The following RPS6KA1 variants were observed in gnomAD, a reference collection of about 807,000 sequenced individuals.
RPS6KA1 encodes ribosomal protein S6 kinase A1, also known as ribosomal protein S6 kinase alpha-1.
A neutral mutation model predicts 91.3 loss-of-function variants in RPS6KA1; 48 were observed. The ratio of observed to expected loss-of-function variants is 0.53; its 90% CI spans 0.42 to 0.67. RPS6KA1 has a LOEUF of 0.67. Among genes scored for constraint, RPS6KA1 ranks in the 30% least tolerant of loss-of-function variants. The pLI is 0.00. For synonymous variants in RPS6KA1, 359 were observed against 384.7 expected, an observed-to-expected ratio of 0.93 and a Z score of 0.78; for missense variants, 719 against 960.5, an observed-to-expected ratio of 0.75 and a Z score of 3.32.
At position 26,540,449 on chromosome 1, in the gene RPS6KA1, C is replaced by T. The variant is rs2075938812; in HGVS notation, c.108+3480C>T. ...TCTGCCTGGCCAACATTTGTTCATC[C>T]TCAGGACCCAGCTGGGCTGCCCCTC... On this transcript the variant is annotated intron_variant, in intron 2 of 21. Coordinates refer to ENST00000374168, the MANE Select transcript of RPS6KA1 (RefSeq NM_002953.4). The surrounding 1 kb of genome is among the most constrained non-coding windows in gnomAD (Gnocchi z 4.2). 6.6e-6 allele frequency among the ~76,000 whole-genome samples: 1 copy of T among 152,188 alleles called. No individual in the cohort carries two copies. The highest frequency in any genetic ancestry group is 2.1e-4 in the South Asian group (1 of 4,824).
chr1:26,564,122 CAAATAAA>C (rs1341354181), intron 17 of RPS6KA1, among the ~76,000 whole-genome samples: 6 of 151,804 alleles, frequency 4.0e-5, no homozygotes, highest in African/African-American at 1.5e-4. Context: ...AACCCTGTCT[CAAATAAA>C]AAATAAAAAT....
At chr1:26,567,654 C>T (rs993693239) in intron 17 of RPS6KA1, among the ~76,000 whole-genome samples, 1 of 152,174 alleles carries the variant, frequency 6.6e-6, no homozygotes, top group Non-Finnish European at 1.5e-5. Context: ...GCTGGGATTA[C>T]AGGCATGAGC....
At chr1:26,569,523 C>T (rs181211502) in intron 17 of RPS6KA1, among the ~76,000 whole-genome samples, 1 of 152,310 alleles carries the variant, frequency 6.6e-6, no homozygotes, top group African/African-American at 2.4e-5. Flanking sequence ...ATCTACCTGG[C>T]ACTCTTCTCC....
chr1:26,552,252 G>A (rs2076057566), intron 6 of RPS6KA1, among the ~76,000 whole-genome samples: 1 of 151,790 alleles, frequency 6.6e-6, no homozygotes, highest in Admixed American at 6.6e-5. Flanking sequence ...GCTGGGTATG[G>A]TGGAGTGTGC....
intron 2 of RPS6KA1, chr1:26,543,931 TG>T: frequency 5.2e-6 from 2 of 384,948 alleles, no homozygotes; most frequent in East Asian, 1.5e-4. Flanking sequence ...AGCTACTGTC[TG>T]GGTCCCCCTC....
intron 17 of RPS6KA1, among the ~76,000 whole-genome samples, chr1:26,563,894 G>C (rs1041737130): frequency 1.3e-5 from 2 of 152,080 alleles, no homozygotes. Flanking sequence ...AAGCCAAGAT[G>C]GGCAGATCAC....
intron 21 of RPS6KA1, 31 bp downstream of exon 21, chr1:26,573,392 G>A (rs1448759912): frequency 1.2e-6 from 2 of 1,612,260 alleles, no homozygotes; most frequent in Admixed American, 1.7e-5. Context: ...CTGGGCATCT[G>A]GGGGGTCAGC....
chr1:26,563,195 G>A (rs1467581928), intron 17 of RPS6KA1, among the ~76,000 whole-genome samples: 1 of 151,618 alleles, frequency 6.6e-6, no homozygotes, highest in African/African-American at 2.4e-5. Context: ...TAGAATACCT[G>A]TAAGTTCCAC....
At position 26,529,887 on chromosome 1, in the gene RPS6KA1, G is replaced by A. The variant is rs1175320389; in HGVS notation, c.-34G>A. On this transcript the variant is annotated 5_prime_UTR_variant, in exon 1 of 22. Transcript: ENST00000374168. The surrounding 1 kb of genome is among the most constrained non-coding windows in gnomAD (Gnocchi z 4.2). ...CCCGGGAGGCGGCGCAGCCGGGGCC[G>A]CCGGAGGAGCGCGGGTGACCTGGCG... The A allele has an allele frequency of 7.8e-6, 11 of 1,404,302 alleles. No homozygotes were observed. Among genetic ancestry groups the A allele is most frequent in the Admixed American group, 2.7e-5 (1 of 37,002 alleles). 87.0% of individuals were successfully genotyped at this position (1,404,302 alleles called of 1,614,324 possible).
Position 26,540,986 on chromosome 1 carries a change from C to T in RPS6KA1, c.108+4017C>T, listed in dbSNP as rs2075942431. 6.6e-6 allele frequency among the ~76,000 whole-genome samples: 1 copy of T among 152,038 alleles called. No individual in the cohort carries two copies. Among genetic ancestry groups the T allele is most frequent in the Non-Finnish European group, 1.5e-5 (1 of 68,006 alleles). Reference sequence around the variant, plus strand: ...CATATTTTTAGTAGAGACGGGGTTTCTCCATGTTGGTCAGGCTGGTCTCGA... The same window carrying T: ...CATATTTTTAGTAGAGACGGGGTTTTTCCATGTTGGTCAGGCTGGTCTCGA... On this transcript the variant is annotated intron_variant, in intron 2 of 21. Coordinates refer to ENST00000374168, the MANE Select transcript of RPS6KA1 (RefSeq NM_002953.4). This position sits in a 1 kb window ranked among gnomAD's most constrained non-coding sequence, Gnocchi z 4.2.
intron 6 of RPS6KA1, chr1:26,552,891 C>CATTTT (rs2076065813): frequency 2.9e-5 from 11 of 384,934 alleles, no homozygotes; most frequent in African/African-American, 2.2e-4. Flanking sequence ...CTATTCCCAT[C>CATTTT]TATAGGTAAA....
In RPS6KA1 at chr1:26,543,326, G is replaced by C. The variant is rs1270174728; in HGVS notation, c.109-3541G>C. 7 of 852,712 alleles carry C rather than the reference G, an allele frequency of 8.2e-6. No homozygotes were observed. The East Asian group carries it at 1.9e-4, about 23-fold the overall frequency. 52.8% of individuals were successfully genotyped at this position (852,712 alleles called of 1,614,324 possible). ...CCTTGGGATTTCTGGGTGGTTTCCT[G>C]TCTCTGTCCCCAGGGAGTGCTCTCA... On this transcript the variant is annotated intron_variant, in intron 2 of 21. Coordinates refer to ENST00000374168, the MANE Select transcript of RPS6KA1 (RefSeq NM_002953.4).
intron 1 of RPS6KA1, among the ~76,000 whole-genome samples, chr1:26,535,140 C>A (rs999656370): frequency 2.0e-5 from 3 of 152,058 alleles, no homozygotes; most frequent in Non-Finnish European, 4.4e-5. Flanking sequence ...ACAGCCCAGC[C>A]CCTGGGCCCT....
chr1:26,548,868 C>T (rs1356781161), intron 4 of RPS6KA1, among the ~76,000 whole-genome samples: 1 of 151,118 alleles, frequency 6.6e-6, no homozygotes, highest in Non-Finnish European at 1.5e-5. Context: ...TGGTCCTTGT[C>T]ATGTCTAATG....
chr1:26,538,772 C>G (rs1361597335), intron 2 of RPS6KA1, among the ~76,000 whole-genome samples: 1 of 152,152 alleles, frequency 6.6e-6, no homozygotes, highest in South Asian at 2.1e-4. Flanking sequence ...AGAGGAGGAG[C>G]ACTGGCTTTC....
intron 17 of RPS6KA1, among the ~76,000 whole-genome samples, chr1:26,563,181 A>T (rs182825363): frequency 6.6e-4 from 100 of 151,618 alleles, no homozygotes; most frequent in Non-Finnish European, 1.2e-3. Context: ...TGGTTTATTG[A>T]AATTAGAATA....
intron 2 of RPS6KA1, among the ~76,000 whole-genome samples, chr1:26,543,804 C>T (rs748428213): frequency 2.0e-5 from 3 of 152,140 alleles, no homozygotes; most frequent in Non-Finnish European, 4.4e-5. Flanking sequence ...TTGCTTTGAG[C>T]CTTGGTGAGT....
At chr1:26,530,750 G>A in intron 1 of RPS6KA1, 1 of 1,284,962 alleles carries the variant, frequency 7.8e-7, no homozygotes, top group Non-Finnish European at 1.0e-6. Context: ...CTCAGAAGCA[G>A]CTCCTGACCT....
chr1:26,572,152 C>A, intron 19 of RPS6KA1, 24 bp from the exon 20 acceptor site: 2 of 1,592,962 alleles, frequency 1.3e-6, no homozygotes, highest in South Asian at 1.1e-5. Context: ...AGTCTGTACC[C>A]AGACCGTGCG....
Sources: gnomAD v4.1 joint callset for allele counts (sites outside exome capture counted in the v4.1 genomes callset) on GRCh38, gnomAD v4.1.1 for gene constraint, Gnocchi (gnomAD v3.1) non-coding constraint, MANE v1.5 for transcripts, NCBI Gene and HGNC (gene_info 2026-07-23, HGNC 2026-07-21) for gene names.